The following DGLUCY variants were observed in gnomAD, a reference collection of about 807,000 sequenced individuals.
The protein encoded by DGLUCY is D-glutamate cyclase, mitochondrial.
Under a neutral mutation model 58.5 loss-of-function variants are expected in DGLUCY, and 58 were observed. That is an observed-to-expected ratio of 0.99 (90% CI 0.80 to 1.23). The LOEUF is 1.23. Among genes scored for constraint, DGLUCY ranks in the 50% most tolerant of loss-of-function variants. DGLUCY has a pLI of 0.00. For missense variants in DGLUCY, 779 were observed against 784.7 expected (o/e 0.99, Z 0.09); for synonymous variants, 325 against 314.1 (o/e 1.03, Z -0.37).
At chr14:91,189,257 A>G in intron 9 of DGLUCY, 87 bp downstream of exon 9, 1 of 1,525,000 alleles carries the variant, frequency 6.6e-7, no homozygotes, top group South Asian at 1.2e-5. Context: ...AGTACAGAGC[A>G]TTCTCCTTCC....
At chr14:91,086,311 A>G (rs908681086) in intron 1 of DGLUCY, among the ~76,000 whole-genome samples, 2 of 152,166 alleles carry the variant, frequency 1.3e-5, no homozygotes, top group Admixed American at 6.5e-5. Flanking sequence ...ATTATCCCCA[A>G]ACCATCCCCG....
chr14:91,176,610 G>T (rs1307376030), intron 7 of DGLUCY, among the ~76,000 whole-genome samples: 1 of 151,802 alleles, frequency 6.6e-6, no homozygotes, highest in Non-Finnish European at 1.5e-5. Flanking sequence ...TGGTTTTTTG[G>T]TTTTGTTGAG....
At chr14:91,205,230 GA>G (rs1381880521) in intron 12 of DGLUCY, among the ~76,000 whole-genome samples, 4 of 152,212 alleles carry the variant, frequency 2.6e-5, no homozygotes, top group African/African-American at 7.2e-5. Context: ...TGAAGAGAGT[GA>G]TCTGTGCTTT....
chr14:91,190,459 G>A (rs2049815405), intron 9 of DGLUCY, among the ~76,000 whole-genome samples: 1 of 152,184 alleles, frequency 6.6e-6, no homozygotes, highest in Non-Finnish European at 1.5e-5. Flanking sequence ...AGACTGGAGA[G>A]TGAGGGGCTG....
chr14:91,201,972 T>C (rs2050590943), intron 11 of DGLUCY, among the ~76,000 whole-genome samples: 1 of 151,584 alleles, frequency 6.6e-6, no homozygotes, highest in South Asian at 2.1e-4. Context: ...GGAGAATTGC[T>C]TGAACCCAGG....
rs771516046 is a variant in DGLUCY at position 91,215,521 on chromosome 14, C to G, written c.1681C>G (p.Gln561Glu). Residue 561 changes from glutamine to glutamate, a missense_variant, in exon 13 of 14, where the codon CAG becomes GAG. By Grantham distance (29) the Gln-to-Glu change is conservative. Transcript: ENST00000256324. ...CGGACCCTCCAGGGCACCTGGAGATCAGGCCTGGACTCAGGCCCTCCCGTC... is the reference window on the plus strand; with the variant it reads ...CGGACCCTCCAGGGCACCTGGAGATGAGGCCTGGACTCAGGCCCTCCCGTC... The part of the protein sequence containing the change: ...AVGPSRAPGD[Q>E]AWTQALPSVI... 10 of 1,613,864 alleles carry G rather than the reference C, an allele frequency of 6.2e-6. No homozygotes were observed. The South Asian group carries it at 9.9e-5, about 16-fold the overall frequency.
intron 12 of DGLUCY, 44 bp from the exon 13 acceptor site, chr14:91,215,361 T>C (rs1280698594): frequency 1.3e-6 from 2 of 1,566,212 alleles, no homozygotes; most frequent in African/African-American, 1.4e-5. Context: ...GACAGACACA[T>C]GACTTTTCCA....
At chr14:91,159,184 C>T (rs1005800008) in intron 2 of DGLUCY, among the ~76,000 whole-genome samples, 14 of 150,658 alleles carry the variant, frequency 9.3e-5, no homozygotes, top group African/African-American at 2.7e-4. Flanking sequence ...TGGTGGCTCA[C>T]GCCTGTAATC....
upstream of DGLUCY, among the ~76,000 whole-genome samples, chr14:91,106,668 C>T (rs559651722): frequency 6.7e-6 from 1 of 148,666 alleles, no homozygotes; most frequent in Admixed American, 6.7e-5. Flanking sequence ...GATTGCTCCA[C>T]TGCACTCCAG....
chr14:91,097,294 G>C (rs950003084), intron 1 of DGLUCY, among the ~76,000 whole-genome samples: 2 of 152,164 alleles, frequency 1.3e-5, no homozygotes, highest in African/African-American at 4.8e-5. Flanking sequence ...TACTTGGGAG[G>C]CTGAGGTGAG....
intron 10 of DGLUCY, among the ~76,000 whole-genome samples, chr14:91,199,276 T>TC (rs1236323522): frequency 6.6e-6 from 1 of 151,740 alleles, no homozygotes; most frequent in Non-Finnish European, 1.5e-5. Context: ...TTTTTTTTTT[T>TC]CAAGACAGAG....
chr14:91,208,435 T>C (rs527361682), intron 12 of DGLUCY, among the ~76,000 whole-genome samples: 1 of 152,356 alleles, frequency 6.6e-6, no homozygotes, highest in East Asian at 1.9e-4. Context: ...TATATGCTTA[T>C]GTATGTTTGT....
At chr14:91,171,527 G>T (rs2048572573) in intron 5 of DGLUCY, among the ~76,000 whole-genome samples, 1 of 152,200 alleles carries the variant, frequency 6.6e-6, no homozygotes, top group Non-Finnish European at 1.5e-5. Flanking sequence ...CCTTGGGGAG[G>T]GCTGCCTGGC....
At chr14:91,202,977 A>T (rs2050666406) in intron 11 of DGLUCY, among the ~76,000 whole-genome samples, 1 of 152,138 alleles carries the variant, frequency 6.6e-6, no homozygotes, top group Admixed American at 6.5e-5. Flanking sequence ...CTCAGGTTCC[A>T]TGGGCAACTG....
At chr14:91,094,832 A>AT (rs2044368855) in intron 1 of DGLUCY, among the ~76,000 whole-genome samples, 1 of 152,104 alleles carries the variant, frequency 6.6e-6, no homozygotes, top group Non-Finnish European at 1.5e-5. Context: ...TCAAAAAAAA[A>AT]AAAAAGTCTT....
intron 9 of DGLUCY, among the ~76,000 whole-genome samples, chr14:91,194,909 G>A (rs1244811988): frequency 6.6e-6 from 1 of 152,170 alleles, no homozygotes; most frequent in Admixed American, 6.6e-5. Flanking sequence ...TGACCCACTG[G>A]GGTGGCAGTG....
intron 1 of DGLUCY, among the ~76,000 whole-genome samples, chr14:91,125,288 C>T (rs536138030): frequency 6.6e-6 from 1 of 152,198 alleles, no homozygotes; most frequent in South Asian, 2.1e-4. Flanking sequence ...CACCGGGGAA[C>T]AAGCATTTCA....
At chr14:91,204,632 T>C (rs1404092561) in intron 11 of DGLUCY, 74 bp from the exon 12 acceptor site, 5 of 1,573,968 alleles carry the variant, frequency 3.2e-6, no homozygotes, top group Non-Finnish European at 4.3e-6. Context: ...CAAGCACATG[T>C]AGGGCTGCCT....
At chr14:91,107,560 A>G (rs1231429770), upstream of DGLUCY, among the ~76,000 whole-genome samples, 1 of 152,090 alleles carries the variant, frequency 6.6e-6, no homozygotes, top group African/African-American at 2.4e-5. Flanking sequence ...TATCTGCTTG[A>G]TATATTGAGA....
Sources: allele counts gnomAD v4.1 joint callset (sites outside exome capture counted in the v4.1 genomes callset), GRCh38; gene constraint gnomAD v4.1.1; transcripts MANE v1.5; gene names NCBI Gene and HGNC (gene_info 2026-07-23, HGNC 2026-07-21).